LRP1B: variants seen among roughly 807,000 people sequenced by gnomAD.
LRP1B encodes the protein LDL receptor related protein 1B, also known as low-density lipoprotein receptor-related protein 1B.
A neutral mutation model predicts 556.6 loss-of-function variants in LRP1B; 217 were observed. That is an observed-to-expected ratio of 0.39 (90% CI 0.35 to 0.44). The LOEUF (loss-of-function observed/expected upper bound fraction) is 0.44. LRP1B is among the 20% of genes least tolerant of loss of function. The pLI is 1.00. For missense variants in LRP1B, 5,053 were observed against 5,620.8 expected (o/e 0.90, Z 3.23); for synonymous variants, 2,047 against 1,865.8 (o/e 1.10, Z -2.50).
intron 2 of LRP1B, among the ~76,000 whole-genome samples, chr2:141,770,316 A>G (rs1263428879): frequency 1.3e-5 from 2 of 152,228 alleles, no homozygotes; most frequent in East Asian, 3.9e-4. Context: ...TACACAATAA[A>G]TATCATTATT....
chr2:141,309,098 G>C (rs185222865), intron 3 of LRP1B, among the ~76,000 whole-genome samples: 9 of 152,154 alleles, frequency 5.9e-5, no homozygotes, highest in Non-Finnish European at 1.3e-4. Context: ...GTAAAATCTT[G>C]GTTGGAACCA....
intron 2 of LRP1B, among the ~76,000 whole-genome samples, chr2:141,712,836 A>ATTT (rs1192189235): frequency 1.2e-3 from 119 of 103,338 alleles, no homozygotes; most frequent in South Asian, 5.6e-3. Context: ...TGCCCAGCTA[A>ATTT]TTTTTTTTTT....
At chr2:141,463,744 A>G (rs1462852228) in intron 3 of LRP1B, among the ~76,000 whole-genome samples, 1 of 144,890 alleles carries the variant, frequency 6.9e-6, no homozygotes, top group Non-Finnish European at 1.5e-5. Context: ...ATATCCTCAG[A>G]ACAAGGACTG....
chr2:140,958,883 A>T (rs1278507653), intron 18 of LRP1B, among the ~76,000 whole-genome samples: 1 of 151,588 alleles, frequency 6.6e-6, no homozygotes, highest in Non-Finnish European at 1.5e-5. Context: ...CCTCTCAAAG[A>T]AAACAGTGAA....
intron 10 of LRP1B, among the ~76,000 whole-genome samples, chr2:141,054,845 G>T (rs1699132927): frequency 6.6e-6 from 1 of 151,894 alleles, no homozygotes; most frequent in Admixed American, 6.6e-5. Context: ...ATTCTTTAGG[G>T]AATTAAGGGA....
At chr2:140,971,088 G>A (rs183606554) in intron 18 of LRP1B, among the ~76,000 whole-genome samples, 16 of 152,096 alleles carry the variant, frequency 1.1e-4, no homozygotes, top group African/African-American at 2.9e-4. Flanking sequence ...GACATTTTTT[G>A]TGCTAATAAC....
Position 140,442,608 on chromosome 2 carries a change from G to T in LRP1B, c.10310C>A (p.Ser3437Tyr). The T allele has an allele frequency of 6.2e-7, 1 of 1,613,504 alleles. No individual in the cohort carries two copies. The highest frequency in any genetic ancestry group is 8.5e-7 in the Non-Finnish European group (1 of 1,179,732). Residue 3437 changes from serine (S) to tyrosine (Y), a missense_variant, in exon 66 of 91, where the codon TCT becomes TAT. Coordinates refer to ENST00000389484, the MANE Select transcript of LRP1B (RefSeq NM_018557.3). ...DERDCPENSC[S>Y]PDYFQCKTTK... ...AGTCTTACACTGGAAATAGTCTGGA[G>T]AACAGCTGTTTTCAGCTTAGAAAGA...
chr2:141,888,084 C>T (rs1053313141), intron 1 of LRP1B, among the ~76,000 whole-genome samples: 1 of 152,032 alleles, frequency 6.6e-6, no homozygotes, highest in Non-Finnish European at 1.5e-5. Flanking sequence ...TCAAAGTGTC[C>T]TCCTTCCATG....
At chr2:141,406,253 T>G (rs754553899) in intron 3 of LRP1B, among the ~76,000 whole-genome samples, 20 of 152,250 alleles carry the variant, frequency 1.3e-4, no homozygotes, top group Admixed American at 4.6e-4. Context: ...GTTATTTTTA[T>G]AATTTGGCAG....
chr2:140,749,481 TTC>T (rs1187274064), intron 35 of LRP1B, among the ~76,000 whole-genome samples: 1 of 152,208 alleles, frequency 6.6e-6, no homozygotes, highest in Non-Finnish European at 1.5e-5. Context: ...ATAAACTTTA[TTC>T]TGTTTTAAAA....
chr2:140,549,215 G>T (rs905395583), intron 43 of LRP1B, among the ~76,000 whole-genome samples: 1 of 152,066 alleles, frequency 6.6e-6, no homozygotes, highest in Non-Finnish European at 1.5e-5. Flanking sequence ...CTGAGATTCC[G>T]CATTTCTCAG....
chr2:141,360,698 G>A (rs1296939730), intron 3 of LRP1B, among the ~76,000 whole-genome samples: 1 of 152,144 alleles, frequency 6.6e-6, no homozygotes, highest in Admixed American at 6.5e-5. Context: ...GCTTAAACAA[G>A]GACAATTCCC....
chr2:140,277,831 TAA>T (rs1472521679), intron 84 of LRP1B, among the ~76,000 whole-genome samples: 1 of 151,918 alleles, frequency 6.6e-6, no homozygotes, highest in Non-Finnish European at 1.5e-5. Context: ...CAATATCTCC[TAA>T]GTTTCAGCAT....
At chr2:140,395,570 A>C (rs747656682) in intron 66 of LRP1B, among the ~76,000 whole-genome samples, 6 of 152,220 alleles carry the variant, frequency 3.9e-5, no homozygotes, top group Admixed American at 6.5e-5. Context: ...GCTGCAGCTT[A>C]TCCCAGTGAG....
At chr2:140,733,423 A>C (rs1232764044) in intron 35 of LRP1B, among the ~76,000 whole-genome samples, 2 of 152,168 alleles carry the variant, frequency 1.3e-5, no homozygotes, top group Non-Finnish European at 2.9e-5. Context: ...AAGAAAGGCC[A>C]AAGTATTATT....
intron 2 of LRP1B, among the ~76,000 whole-genome samples, chr2:141,503,118 C>T (rs1683786479): frequency 6.7e-6 from 1 of 148,238 alleles, no homozygotes; most frequent in Non-Finnish European, 1.5e-5. Flanking sequence ...TATGAGTTTA[C>T]TTTATTAGGA....
intron 41 of LRP1B, among the ~76,000 whole-genome samples, chr2:140,650,891 G>A (rs1465967480): frequency 1.3e-5 from 2 of 152,038 alleles, no homozygotes; most frequent in Admixed American, 6.6e-5. Flanking sequence ...AACACAACAA[G>A]CAGTGAGCCT....
intron 1 of LRP1B, among the ~76,000 whole-genome samples, chr2:141,988,851 C>G (rs761178763): frequency 1.2e-4 from 18 of 152,018 alleles, no homozygotes; most frequent in Non-Finnish European, 2.4e-4. Flanking sequence ...TCATTTCCCA[C>G]TTTAGAGCAT....
Position 141,013,707 on chromosome 2 carries a change from T to C in LRP1B, c.2229A>G (p.Gly743=). The change falls in exon 14 of 91, where the codon GGA becomes GGG. Residue 743 remains glycine, a synonymous_variant. Coordinates refer to ENST00000389484, the MANE Select transcript of LRP1B (RefSeq NM_018557.3). ...ACACATAATTTCCATGATGCGACAG[T>C]CCGAAAGGGTGGTTCAACTCTCTCC... The part of the protein sequence containing the change: ...YSGRELNHPF[G]LSHHGNYVFW... 1 of 1,599,650 alleles carries C rather than the reference T, an allele frequency of 6.3e-7. No homozygotes were observed. The highest frequency in any genetic ancestry group is 8.5e-7 in the Non-Finnish European group (1 of 1,173,734).
Sources: allele counts gnomAD v4.1 joint callset (sites outside exome capture counted in the v4.1 genomes callset), GRCh38; gene constraint gnomAD v4.1.1; transcripts MANE v1.5; gene names NCBI Gene and HGNC (gene_info 2026-07-23, HGNC 2026-07-21).